The following STIM1 variants were observed in gnomAD, a reference collection of about 807,000 sequenced individuals.
STIM1 encodes the protein stromal interaction molecule 1.
STIM1 carries 25 observed loss-of-function variants against 74.7 expected under a neutral mutation model. That is an observed-to-expected ratio of 0.33 (90% confidence interval 0.24 to 0.47). STIM1 has a LOEUF of 0.47. Ranked by LOEUF, STIM1 falls within the 20% of genes least tolerant of loss-of-function variation. STIM1 has a pLI of 1.00. For missense variants in STIM1, 728 were observed against 920.8 expected, an observed-to-expected ratio of 0.79 and a Z score of 2.71; for synonymous variants, 328 against 348.8, an observed-to-expected ratio of 0.94 and a Z score of 0.66.
At chr11:4,074,210 G>C (rs2094423511) in intron 6 of STIM1, among the ~76,000 whole-genome samples, 1 of 152,148 alleles carries the variant, frequency 6.6e-6, no homozygotes, top group Admixed American at 6.5e-5. Flanking sequence ...TTGTAAACTG[G>C]TACTTGTTAT....
rs1433741673 is a variant in STIM1, at chr11:4,092,326, T to C, written c.*528T>C. On this transcript the variant is annotated 3_prime_UTR_variant, in exon 13 of 13. Coordinates refer to ENST00000526596, the MANE Select transcript of STIM1 (RefSeq NM_001382567.1). ...GGCCTAATCTTTGAAGTTTGTTCTT[T>C]GGTATTGATGTGGGTCAGAAGGAGC... The C allele has an allele frequency of 5.5e-6, 1 of 182,310 alleles. No homozygotes were observed. The allele number at this position is 182,310 out of a possible 1,614,324, so 11.3% of individuals were successfully genotyped here. A position where few individuals can be genotyped will look rare whatever the true frequency, so the allele number is the denominator to read the frequency against.
chr11:3,930,775 T>C lies in STIM1; in HGVS notation c.140-36777T>C, dbSNP rs188246093. Among the ~76,000 whole-genome samples the C allele has an allele frequency of 2.0e-5, 3 of 152,330 alleles. No individual in the cohort carries two copies. The East Asian group carries it at 5.8e-4, about 29-fold the overall frequency. On this transcript the variant is annotated intron_variant, in intron 1 of 12. Transcript: ENST00000526596. ...TGCTGTCATCTTCCATGCATGGGCATTTGGAGGCTCTATTAAGGTTCTAGT... is the reference window on the plus strand; with the variant it reads ...TGCTGTCATCTTCCATGCATGGGCACTTGGAGGCTCTATTAAGGTTCTAGT...
chr11:4,088,777 T>C, intron 12 of STIM1: 1 of 1,531,494 alleles, frequency 6.5e-7, no homozygotes, highest in Non-Finnish European at 8.7e-7. Flanking sequence ...CAGCCCAGCC[T>C]TTGGGGAGGG....
intron 1 of STIM1, among the ~76,000 whole-genome samples, chr11:3,954,213 G>A (rs1050376800): frequency 1.3e-5 from 2 of 152,026 alleles, no homozygotes; most frequent in Non-Finnish European, 2.9e-5. Flanking sequence ...CTGCTTGTGT[G>A]GTCTCTTGCC....
chr11:4,048,619 G>A (rs979071057), intron 3 of STIM1, among the ~76,000 whole-genome samples: 1 of 151,988 alleles, frequency 6.6e-6, no homozygotes, highest in African/African-American at 2.4e-5. Context: ...TATTCCTTGT[G>A]TATTGTGTAT....
At chr11:3,984,983 T>A (rs981951922) in intron 2 of STIM1, among the ~76,000 whole-genome samples, 4 of 152,164 alleles carry the variant, frequency 2.6e-5, no homozygotes, top group Non-Finnish European at 5.9e-5. Flanking sequence ...AGCCATATTG[T>A]CAGCCAGCAC....
chr11:3,980,689 A>C (rs1333682190), intron 2 of STIM1, among the ~76,000 whole-genome samples: 2 of 144,328 alleles, frequency 1.4e-5, no homozygotes, highest in Non-Finnish European at 3.0e-5. Flanking sequence ...ACAAAAAAAA[A>C]CAAATAGAAA....
At chr11:3,909,847 C>T (rs934870840) in intron 1 of STIM1, among the ~76,000 whole-genome samples, 3 of 149,198 alleles carry the variant, frequency 2.0e-5, no homozygotes, top group African/African-American at 4.9e-5. Context: ...TGGTCAATAA[C>T]ATATGTAAAG....
intron 1 of STIM1, among the ~76,000 whole-genome samples, chr11:3,918,219 A>AT (rs2092673708): frequency 6.6e-6 from 1 of 152,130 alleles, no homozygotes; most frequent in East Asian, 1.9e-4. Context: ...CTAACAGCTT[A>AT]TTGAAAGATA....
chr11:3,856,223 G>A lies in STIM1; in HGVS notation c.-48G>A. 2 of 1,612,670 alleles carry A rather than the reference G, an allele frequency of 1.2e-6. No individual in the cohort carries two copies. The highest frequency in any genetic ancestry group is 1.7e-6 in the Non-Finnish European group (2 of 1,179,520). ...CCCGGGCTCCTGGCTTTGCCTCTGG[G>A]ATCCCGAGGTGTCCACATCAGACGC... On this transcript the variant is annotated 5_prime_UTR_variant, in exon 1 of 13. Coordinates refer to ENST00000526596, the MANE Select transcript of STIM1 (RefSeq NM_001382567.1).
intron 1 of STIM1, among the ~76,000 whole-genome samples, chr11:3,879,745 C>T (rs1469017023): frequency 6.6e-6 from 1 of 152,216 alleles, no homozygotes. Context: ...TCTGCAGGCT[C>T]TTCTACATTT....
chr11:3,976,971 T>A (rs1380994434), intron 2 of STIM1, among the ~76,000 whole-genome samples: 1 of 151,984 alleles, frequency 6.6e-6, no homozygotes, highest in Non-Finnish European at 1.5e-5. Flanking sequence ...ATTTTTGTAT[T>A]TTTAGTAGAG....
intron 1 of STIM1, among the ~76,000 whole-genome samples, chr11:3,889,430 C>T (rs1048420259): frequency 4.0e-5 from 6 of 150,188 alleles, no homozygotes; most frequent in South Asian, 2.1e-4. Context: ...AGCAATGGCA[C>T]GATTTTGGCT....
chr11:3,989,794 A>G (rs2093592014), intron 2 of STIM1, among the ~76,000 whole-genome samples: 1 of 152,224 alleles, frequency 6.6e-6, no homozygotes, highest in Non-Finnish European at 1.5e-5. Context: ...GACAGAGACC[A>G]TATGGACCAC....
At chr11:3,999,826 C>T (rs527564904) in intron 2 of STIM1, 5 of 152,626 alleles carry the variant, frequency 3.3e-5, no homozygotes, top group Admixed American at 2.0e-4. Context: ...GTTCCCTTTC[C>T]TGGTCAAGGA....
intron 1 of STIM1, among the ~76,000 whole-genome samples, chr11:3,925,993 T>A (rs1212538903): frequency 6.6e-6 from 1 of 152,218 alleles, no homozygotes; most frequent in African/African-American, 2.4e-5. Context: ...CCAATTAGAT[T>A]GTTTTCGTCC....
At chr11:3,959,018 TC>T (rs1455290250) in intron 1 of STIM1, among the ~76,000 whole-genome samples, 1 of 151,014 alleles carries the variant, frequency 6.6e-6, no homozygotes, top group Non-Finnish European at 1.5e-5. Flanking sequence ...CCTCACCTCA[TC>T]CCCATTCTAG....
At chr11:3,937,983 C>CA (rs2092956125) in intron 1 of STIM1, among the ~76,000 whole-genome samples, 1 of 149,976 alleles carries the variant, frequency 6.7e-6, no homozygotes, top group South Asian at 2.1e-4. Flanking sequence ...GCCCAGGCTG[C>CA]AATGTAGTGG....
chr11:4,010,560 T>G (rs1196586270), intron 2 of STIM1, among the ~76,000 whole-genome samples: 1 of 152,174 alleles, frequency 6.6e-6, no homozygotes, highest in East Asian at 1.9e-4. Flanking sequence ...TTATGACTTC[T>G]GCAAACTTGT....
Sources: allele counts gnomAD v4.1 joint callset (sites outside exome capture counted in the v4.1 genomes callset), GRCh38; gene constraint gnomAD v4.1.1; transcripts MANE v1.5; gene names NCBI Gene and HGNC (gene_info 2026-07-23, HGNC 2026-07-21).